The following TRPS1 variants were observed in gnomAD, a reference collection of about 807,000 sequenced individuals.
TRPS1 encodes transcriptional repressor GATA binding 1.
TRPS1 carries 6 observed loss-of-function variants against 101.2 expected under a neutral mutation model. The observed-to-expected ratio is 0.06, with a 90% CI of 0.03 to 0.12. TRPS1 has a LOEUF of 0.12. Ranked by LOEUF, TRPS1 falls within the 10% of genes least tolerant of loss-of-function variation. The probability of loss-of-function intolerance (pLI) is 1.00; values close to 1 mark genes in which losing one functional copy is unlikely to be tolerated. For synonymous variants in TRPS1, 578 were observed against 589.8 expected (o/e 0.98, Z 0.29); for missense variants, 1,363 against 1,567.0 (o/e 0.87, Z 2.20).
intron 5 of TRPS1, among the ~76,000 whole-genome samples, chr8:115,494,482 C>A (rs927968304): frequency 4.6e-5 from 7 of 152,170 alleles, no homozygotes; most frequent in African/African-American, 1.7e-4. Flanking sequence ...AAATTGCTTA[C>A]GCCAAGAGGG....
chr8:115,503,108 C>G (rs800915), intron 5 of TRPS1, among the ~76,000 whole-genome samples: 151,875 of 151,882 alleles, frequency 1, 75,934 homozygotes, highest in Middle Eastern at 1. Flanking sequence ...CAAAAAATTA[C>G]CTGGGCGTGG....
intron 5 of TRPS1, chr8:115,492,347 A>G (rs941107667): frequency 2.9e-5 from 13 of 443,052 alleles, no homozygotes; most frequent in Non-Finnish European, 5.5e-5. Context: ...TTTTGCAGGA[A>G]CAGACAGGGT....
In TRPS1 at chr8:115,644,761, A is replaced by G. The variant is rs562914523; in HGVS notation, c.-121-21003T>C. Among the ~76,000 whole-genome samples, 59 of 152,288 alleles carry G rather than the reference A, an allele frequency of 3.9e-4. No individual in the cohort carries two copies. The Middle Eastern group carries it at 0.01, about 26-fold the overall frequency. Reference sequence around the variant, plus strand: ...CTTTCAATTTAAAGTGAGAGACATGAAACCCTTCTTTTCACTTTAACACTT... The same window carrying G: ...CTTTCAATTTAAAGTGAGAGACATGGAACCCTTCTTTTCACTTTAACACTT... On this transcript the variant is annotated intron_variant, in intron 1 of 6. Coordinates refer to ENST00000395715, the MANE Select transcript of TRPS1 (RefSeq NM_014112.5).
chr8:115,508,144 A>G (rs1012585585), intron 5 of TRPS1, among the ~76,000 whole-genome samples: 2 of 152,128 alleles, frequency 1.3e-5, no homozygotes, highest in African/African-American at 4.8e-5. Context: ...GTTCATGTAG[A>G]AATTAGTGCA....
At chr8:115,563,630 C>T (rs1817000100) in intron 5 of TRPS1, among the ~76,000 whole-genome samples, 1 of 152,124 alleles carries the variant, frequency 6.6e-6, no homozygotes, top group Non-Finnish European at 1.5e-5. Context: ...AAAGTGACCA[C>T]ACAAGTTTAC....
At chr8:115,458,893 A>C (rs1274515441) in intron 5 of TRPS1, among the ~76,000 whole-genome samples, 1 of 152,268 alleles carries the variant, frequency 6.6e-6, no homozygotes, top group Non-Finnish European at 1.5e-5. Flanking sequence ...AATATTCTGC[A>C]GTACATTTTG....
chr8:115,526,375 G>T (rs1815999626), intron 5 of TRPS1, among the ~76,000 whole-genome samples: 1 of 152,124 alleles, frequency 6.6e-6, no homozygotes, highest in Non-Finnish European at 1.5e-5. Flanking sequence ...GGTAATACTA[G>T]AATGGACTCA....
chr8:115,479,601 T>G (rs6469593), intron 5 of TRPS1, among the ~76,000 whole-genome samples: 13 of 152,292 alleles, frequency 8.5e-5, no homozygotes, highest in Admixed American at 2.6e-4. Flanking sequence ...TTGGGTATTT[T>G]ATAAAATTTT....
At chr8:115,546,401 T>C (rs1179856398) in intron 5 of TRPS1, among the ~76,000 whole-genome samples, 2 of 152,244 alleles carry the variant, frequency 1.3e-5, no homozygotes, top group African/African-American at 2.4e-5. Flanking sequence ...ACTTAAGTGA[T>C]ACCTGGGATA....
chr8:115,413,863 C>T lies in TRPS1; in HGVS notation c.*160G>A. The T allele has an allele frequency of 4.4e-6, 3 of 680,272 alleles. No individual in the cohort carries two copies. Among genetic ancestry groups the T allele is most frequent in the Admixed American group, 3.1e-5 (1 of 32,068 alleles). The allele number at this position is 680,272 out of a possible 1,614,324, so 42.1% of individuals were successfully genotyped here. A position where few individuals can be genotyped will look rare whatever the true frequency, so the allele number is the denominator to read the frequency against. On this transcript the variant is annotated 3_prime_UTR_variant, in exon 7 of 7. Transcript: ENST00000395715. Reference sequence around the variant, plus strand: ...TATCTCACTTTTTAATCTTGGTAACCTACTCATCAAAAGAAAGAATAACAA... The same window carrying T: ...TATCTCACTTTTTAATCTTGGTAACTTACTCATCAAAAGAAAGAATAACAA...
intron 3 of TRPS1, among the ~76,000 whole-genome samples, chr8:115,610,967 A>G (rs1818148367): frequency 6.6e-6 from 1 of 152,018 alleles, no homozygotes; most frequent in Non-Finnish European, 1.5e-5. Context: ...AAATACAAAA[A>G]TTAGCCAGAT....
At chr8:115,659,378 G>A (rs888899352) in intron 1 of TRPS1, among the ~76,000 whole-genome samples, 7 of 151,330 alleles carry the variant, frequency 4.6e-5, no homozygotes, top group African/African-American at 1.5e-4. Flanking sequence ...AACATATTCC[G>A]TATTTTTTAA....
At chr8:115,462,708 T>C (rs1485812760) in intron 5 of TRPS1, among the ~76,000 whole-genome samples, 1 of 151,756 alleles carries the variant, frequency 6.6e-6, no homozygotes, top group African/African-American at 2.4e-5. Context: ...AAACACACTT[T>C]TGAAGTCTTC....
chr8:115,530,376 C>T (rs989793152), intron 5 of TRPS1, among the ~76,000 whole-genome samples: 26 of 152,010 alleles, frequency 1.7e-4, no homozygotes, highest in Non-Finnish European at 3.7e-4. Flanking sequence ...GTGAAGTCGT[C>T]TTGGGAGAAA....
chr8:115,577,929 G>A (rs932976441), intron 5 of TRPS1, among the ~76,000 whole-genome samples: 2 of 152,148 alleles, frequency 1.3e-5, no homozygotes, highest in Admixed American at 6.6e-5. Flanking sequence ...GGTAGCAGGA[G>A]CATCATCCAT....
chr8:115,519,810 G>C (rs903634648), intron 5 of TRPS1, among the ~76,000 whole-genome samples: 3 of 151,620 alleles, frequency 2.0e-5, no homozygotes, highest in African/African-American at 7.2e-5. Flanking sequence ...GAAGTTCTAT[G>C]ACAGTTCAAA....
chr8:115,631,354 A>T (rs954517787), intron 1 of TRPS1, among the ~76,000 whole-genome samples: 4 of 152,140 alleles, frequency 2.6e-5, no homozygotes, highest in Non-Finnish European at 5.9e-5. Flanking sequence ...ATCCATTCAT[A>T]TATGTGATAC....
intron 5 of TRPS1, among the ~76,000 whole-genome samples, chr8:115,522,869 T>C (rs1815899777): frequency 6.6e-6 from 1 of 152,190 alleles, no homozygotes; most frequent in African/African-American, 2.4e-5. Context: ...CATAAGTTTC[T>C]ATACTTTGAG....
In TRPS1 at chr8:115,623,887, T is replaced by A. The variant is rs367884858; in HGVS notation, c.-121-129A>T. Reference sequence around the variant, plus strand: ...TGAAAGATATAAAAGCATGAGCAAATCTGGAGCAAGATCCTCTCCCTCCCC... The same window carrying A: ...TGAAAGATATAAAAGCATGAGCAAAACTGGAGCAAGATCCTCTCCCTCCCC... On this transcript the variant is annotated intron_variant, in intron 1 of 6. Transcript: ENST00000395715. The A allele has an allele frequency of 3.6e-4, 296 of 817,174 alleles. No individual in the cohort carries two copies. The African/African-American group carries it at 4.8e-3, about 13-fold the overall frequency. The allele number at this position is 817,174 out of a possible 1,614,324, so 50.6% of individuals were successfully genotyped here. A position where few individuals can be genotyped will look rare whatever the true frequency, so the allele number is the denominator to read the frequency against.
Sources: allele counts gnomAD v4.1 joint callset (sites outside exome capture counted in the v4.1 genomes callset), GRCh38; gene constraint gnomAD v4.1.1; transcripts MANE v1.5; gene names NCBI Gene and HGNC (gene_info 2026-07-23, HGNC 2026-07-21).